THSD7A: variants seen among roughly 807,000 people sequenced by gnomAD.
THSD7A encodes the protein thrombospondin type-1 domain-containing protein 7A.
A neutral mutation model predicts 231.3 loss-of-function variants in THSD7A; 96 were observed. The ratio of observed to expected loss-of-function variants is 0.41; its 90% CI spans 0.35 to 0.49. The LOEUF (loss-of-function observed/expected upper bound fraction) is 0.49, where lower values mean the gene tolerates loss of function less well. Among genes scored for constraint, THSD7A ranks in the 20% least tolerant of loss-of-function variants. The pLI is 0.05. For missense variants in THSD7A, 2,290 were observed against 2,070.2 expected (o/e 1.11, Z -2.06); for synonymous variants, 940 against 743.3 (o/e 1.26, Z -4.30).
intron 17 of THSD7A, among the ~76,000 whole-genome samples, chr7:11,416,339 A>G (rs1783958432): frequency 6.6e-6 from 1 of 152,208 alleles, no homozygotes; most frequent in Non-Finnish European, 1.5e-5. Flanking sequence ...TCCTATTTTT[A>G]TAAAAATGGA....
intron 2 of THSD7A, among the ~76,000 whole-genome samples, chr7:11,626,853 C>G (rs956998727): frequency 9.9e-5 from 15 of 151,978 alleles, no homozygotes; most frequent in Admixed American, 9.2e-4. Flanking sequence ...AAATAATATT[C>G]TCAATGTTGT....
chr7:11,824,192 G>A (rs6953577), intron 1 of THSD7A, among the ~76,000 whole-genome samples: 1 of 151,968 alleles, frequency 6.6e-6, no homozygotes, highest in East Asian at 1.9e-4. Flanking sequence ...TTTCTCAAGT[G>A]CCACATGCTC....
intron 4 of THSD7A, among the ~76,000 whole-genome samples, chr7:11,578,196 A>C (rs1171528502): frequency 1.3e-5 from 2 of 152,196 alleles, no homozygotes; most frequent in African/African-American, 4.8e-5. Flanking sequence ...CCTTTTCTCA[A>C]TTCAACCAGA....
At chr7:11,672,763 T>C (rs1376717871) in intron 1 of THSD7A, among the ~76,000 whole-genome samples, 1 of 152,162 alleles carries the variant, frequency 6.6e-6, no homozygotes, top group African/African-American at 2.4e-5. Flanking sequence ...CATAAGGAAA[T>C]ATGTGAACTC....
intron 2 of THSD7A, among the ~76,000 whole-genome samples, chr7:11,631,699 G>A (rs963764118): frequency 6.6e-5 from 10 of 152,250 alleles, no homozygotes; most frequent in African/African-American, 2.4e-4. Context: ...TCCTTATCGT[G>A]TCTGCTAGGA....
intron 1 of THSD7A, among the ~76,000 whole-genome samples, chr7:11,731,921 T>C (rs909720286): frequency 6.6e-6 from 1 of 151,716 alleles, no homozygotes; most frequent in Non-Finnish European, 1.5e-5. Flanking sequence ...GAACCCCAAG[T>C]CCAGCTTATT....
chr7:11,587,244 T>C (rs190948195), intron 4 of THSD7A, among the ~76,000 whole-genome samples: 1 of 152,318 alleles, frequency 6.6e-6, no homozygotes, highest in East Asian at 1.9e-4. Context: ...TCCTGTCATA[T>C]TCTGATAAGG....
At chr7:11,570,620 ATG>A (rs1790583104) in intron 4 of THSD7A, among the ~76,000 whole-genome samples, 1 of 152,248 alleles carries the variant, frequency 6.6e-6, no homozygotes, top group Non-Finnish European at 1.5e-5. Context: ...CTCAATTATT[ATG>A]TGTCAATAAT....
At chr7:11,402,946 A>G (rs1264173015) in intron 22 of THSD7A, among the ~76,000 whole-genome samples, 1 of 152,152 alleles carries the variant, frequency 6.6e-6, no homozygotes, top group East Asian at 1.9e-4. Flanking sequence ...GAACTTATAT[A>G]TGCATTTCTG....
intron 1 of THSD7A, among the ~76,000 whole-genome samples, chr7:11,680,115 T>A (rs1375627427): frequency 6.6e-6 from 1 of 151,478 alleles, no homozygotes; most frequent in South Asian, 2.1e-4. Flanking sequence ...ATTCCCTATT[T>A]AATAAATGGT....
chr7:11,549,295 A>G (rs1789528575), intron 4 of THSD7A, among the ~76,000 whole-genome samples: 1 of 138,376 alleles, frequency 7.2e-6, no homozygotes, highest in African/African-American at 2.5e-5. Context: ...CTGTTTGTGT[A>G]ATGTAAATTA....
chr7:11,503,893 C>G (rs9690652), intron 6 of THSD7A, among the ~76,000 whole-genome samples: 16,983 of 152,110 alleles, frequency 0.11, 1,029 homozygotes, highest in Admixed American at 0.15. Flanking sequence ...TTGTGGAAAA[C>G]AGTATGGTGG....
At chr7:11,704,939 G>A (rs1337499513) in intron 1 of THSD7A, among the ~76,000 whole-genome samples, 1 of 151,002 alleles carries the variant, frequency 6.6e-6, no homozygotes, top group Non-Finnish European at 1.5e-5. Flanking sequence ...TACCATCAGT[G>A]GTTGCTTCAT....
At chr7:11,521,710 A>T (rs1370182816) in intron 6 of THSD7A, among the ~76,000 whole-genome samples, 2 of 107,890 alleles carry the variant, frequency 1.9e-5, no homozygotes, top group African/African-American at 3.7e-5. Context: ...CGACCCCACC[A>T]CGAGGATGCA....
chr7:11,601,877 G>A (rs566336594), intron 2 of THSD7A, among the ~76,000 whole-genome samples: 1 of 152,276 alleles, frequency 6.6e-6, no homozygotes, highest in East Asian at 1.9e-4. Context: ...CCTTCAAGAG[G>A]TTAGAAAACT....
At chr7:11,405,152 A>ATT (rs67149392) in intron 22 of THSD7A, among the ~76,000 whole-genome samples, 6,724 of 145,518 alleles carry the variant, frequency 0.046, 328 homozygotes, top group African/African-American at 0.12. Flanking sequence ...ATCTCAAATG[A>ATT]TTTTTTTTTT....
At chr7:11,681,513 C>T (rs192683195) in intron 1 of THSD7A, among the ~76,000 whole-genome samples, 4 of 151,928 alleles carry the variant, frequency 2.6e-5, no homozygotes. Context: ...AATTTCAGAG[C>T]CTGAAGATCA....
intron 5 of THSD7A, among the ~76,000 whole-genome samples, chr7:11,542,090 A>C (rs1464823794): frequency 1.3e-5 from 2 of 152,212 alleles, no homozygotes; most frequent in East Asian, 3.8e-4. Flanking sequence ...CACATGATTA[A>C]ATTTGGAAAA....
At chr7:11,397,393 C>G (rs1049477393) in intron 23 of THSD7A, among the ~76,000 whole-genome samples, 3 of 152,138 alleles carry the variant, frequency 2.0e-5, no homozygotes, top group Non-Finnish European at 4.4e-5. Flanking sequence ...TTCCTTACAC[C>G]TTATACAGAA....
Sources: gnomAD v4.1 joint callset for allele counts (sites outside exome capture counted in the v4.1 genomes callset) on GRCh38, gnomAD v4.1.1 for gene constraint, MANE v1.5 for transcripts, NCBI Gene and HGNC (gene_info 2026-07-23, HGNC 2026-07-21) for gene names.